AFG1L: variants seen among roughly 807,000 people sequenced by gnomAD.
AFG1L encodes the protein AFG1-like ATPase.
In AFG1L, 53 loss-of-function variants were observed where a neutral mutation model predicts 62.2. The observed-to-expected ratio is 0.85, with a 90% confidence interval of 0.68 to 1.07. AFG1L has a LOEUF of 1.07. AFG1L is among the 50% of genes least tolerant of loss of function. The pLI, the probability that AFG1L is intolerant of heterozygous loss-of-function variation, is 0.00. For synonymous variants in AFG1L, 228 were observed against 210.3 expected (o/e 1.08, Z -0.73); for missense variants, 555 against 590.5 (o/e 0.94, Z 0.62).
intron 7 of AFG1L, among the ~76,000 whole-genome samples, chr6:108,422,476 G>GAAAAAAAAAAAAAAAAAA (rs1770634582): frequency 1.2e-4 from 1 of 8,292 alleles, no homozygotes; most frequent in African/African-American, 1.3e-3. Context: ...TTAGTCCTCA[G>GAAAAAAAAAAAAAAAAAA]CAAAAAAAAA....
At chr6:108,375,008 C>T (rs1780183427) in intron 6 of AFG1L, among the ~76,000 whole-genome samples, 1 of 152,004 alleles carries the variant, frequency 6.6e-6, no homozygotes, top group Admixed American at 6.6e-5. Context: ...TGTCTTTTAG[C>T]AGTGTTTTGT....
intron 6 of AFG1L, among the ~76,000 whole-genome samples, chr6:108,377,436 C>G (rs1208274422): frequency 6.6e-6 from 1 of 152,118 alleles, no homozygotes; most frequent in Non-Finnish European, 1.5e-5. Flanking sequence ...TAAGGCTGCT[C>G]TAGTGGTAAC....
At chr6:108,452,228 G>T (rs1201624414) in intron 8 of AFG1L, among the ~76,000 whole-genome samples, 1 of 152,160 alleles carries the variant, frequency 6.6e-6, no homozygotes, top group Non-Finnish European at 1.5e-5. Context: ...CTGTTTGGGG[G>T]CTGGTAATAC....
At chr6:108,449,008 T>A (rs1582604279) in intron 8 of AFG1L, among the ~76,000 whole-genome samples, 1 of 151,488 alleles carries the variant, frequency 6.6e-6, no homozygotes, top group African/African-American at 2.4e-5. Flanking sequence ...AAATAGTGGG[T>A]GTGGTGGCAC....
At chr6:108,306,549 T>C (rs1457970368) in intron 1 of AFG1L, among the ~76,000 whole-genome samples, 2 of 152,246 alleles carry the variant, frequency 1.3e-5, no homozygotes, top group Non-Finnish European at 2.9e-5. Context: ...GGTGCCACCT[T>C]GTCCCAATTC....
At chr6:108,377,094 A>G (rs963679592) in intron 6 of AFG1L, among the ~76,000 whole-genome samples, 2 of 148,262 alleles carry the variant, frequency 1.3e-5, no homozygotes, top group East Asian at 3.9e-4. Flanking sequence ...TTCTTTTTGC[A>G]TGGTAGATCT....
At position 108,356,007 on chromosome 6, in the gene AFG1L, C is replaced by T. The variant is rs573306361; in HGVS notation, c.517+252C>T. ...GAAGCTCAGGCATTTTCTGTTTCTA[C>T]TAAGGGCCAATAAAAAAATGTTAAA... is the stretch of plus-strand genomic sequence containing the variant. On this transcript the variant is annotated intron_variant, in intron 4 of 12. Coordinates refer to ENST00000368977, the MANE Select transcript of AFG1L (RefSeq NM_145315.5). 3.9e-5 allele frequency among the ~76,000 whole-genome samples: 6 copies of T among 152,262 alleles called. No homozygotes were observed. In the East Asian group the frequency reaches 1.2e-3, roughly 29 times the overall value.
chr6:108,516,237 A>G (rs1036273231), intron 11 of AFG1L, among the ~76,000 whole-genome samples: 24 of 152,354 alleles, frequency 1.6e-4, no homozygotes, highest in Middle Eastern at 6.8e-3. Context: ...ATGAACATCA[A>G]TGCAAAAATC....
chr6:108,516,569 G>A (rs1172959543), intron 11 of AFG1L, among the ~76,000 whole-genome samples: 2 of 152,184 alleles, frequency 1.3e-5, no homozygotes, highest in African/African-American at 4.8e-5. Flanking sequence ...AAAACTGGAA[G>A]CATTCCCTTC....
At chr6:108,340,772 A>G (rs1778651612) in intron 2 of AFG1L, among the ~76,000 whole-genome samples, 1 of 152,180 alleles carries the variant, frequency 6.6e-6, no homozygotes, top group African/African-American at 2.4e-5. Flanking sequence ...AAGGACAGGA[A>G]GAGGAATCGT....
chr6:108,377,161 T>G (rs770561898), intron 6 of AFG1L, among the ~76,000 whole-genome samples: 7 of 152,208 alleles, frequency 4.6e-5, no homozygotes, highest in Admixed American at 1.3e-4. Context: ...ATGCGTCTCT[T>G]GAAGACAACA....
intron 11 of AFG1L, among the ~76,000 whole-genome samples, chr6:108,515,715 G>T (rs1471720829): frequency 1.3e-5 from 2 of 152,050 alleles, no homozygotes; most frequent in Admixed American, 1.3e-4. Context: ...TCCAGGAGCT[G>T]GTTTTTTGAA....
intron 1 of AFG1L, among the ~76,000 whole-genome samples, chr6:108,296,249 G>T (rs190666523): frequency 4.9e-4 from 74 of 152,208 alleles, no homozygotes; most frequent in African/African-American, 1.7e-3. Flanking sequence ...ACTGCCTGGG[G>T]GTAGCCCTGA....
chr6:108,516,065 C>T (rs1774874153), intron 11 of AFG1L, among the ~76,000 whole-genome samples: 1 of 152,166 alleles, frequency 6.6e-6, no homozygotes, highest in Non-Finnish European at 1.5e-5. Context: ...CGAATTCTAC[C>T]AGAGGTACAA....
intron 11 of AFG1L, among the ~76,000 whole-genome samples, chr6:108,514,709 G>C (rs899211304): frequency 2.6e-5 from 4 of 152,136 alleles, no homozygotes; most frequent in African/African-American, 4.8e-5. Flanking sequence ...TGGCAAATTG[G>C]ATAAAGATTC....
chr6:108,319,074 C>T (rs1291158954), intron 1 of AFG1L, among the ~76,000 whole-genome samples: 1 of 151,950 alleles, frequency 6.6e-6, no homozygotes, highest in African/African-American at 2.4e-5. Flanking sequence ...TTTTCTTTTC[C>T]AAAAACTGGG....
chr6:108,488,837 G>A (rs1338056532), intron 10 of AFG1L, among the ~76,000 whole-genome samples: 1 of 152,080 alleles, frequency 6.6e-6, no homozygotes, highest in Non-Finnish European at 1.5e-5. Context: ...GGGTGACAGA[G>A]CGAGACTCTG....
chr6:108,305,265 G>A (rs1777159167), intron 1 of AFG1L, among the ~76,000 whole-genome samples: 1 of 152,174 alleles, frequency 6.6e-6, no homozygotes, highest in Admixed American at 6.5e-5. Context: ...AGAAAATGCA[G>A]TTTTGATTTT....
chr6:108,312,154 C>T (rs765672688), intron 1 of AFG1L, among the ~76,000 whole-genome samples: 7 of 152,350 alleles, frequency 4.6e-5, no homozygotes, highest in South Asian at 4.1e-4. Flanking sequence ...CGTGAGCCAT[C>T]GTGCCCGGCC....
Sources: allele counts gnomAD v4.1 joint callset (sites outside exome capture counted in the v4.1 genomes callset), GRCh38; gene constraint gnomAD v4.1.1; transcripts MANE v1.5; gene names NCBI Gene and HGNC (gene_info 2026-07-23, HGNC 2026-07-21).